The following RABGAP1L variants were observed in gnomAD, a reference collection of about 807,000 sequenced individuals.
RABGAP1L encodes RAB GTPase activating protein 1 like, also known as rab GTPase-activating protein 1-like.
RABGAP1L carries 63 observed loss-of-function variants against 137.7 expected under a neutral mutation model. The ratio of observed to expected loss-of-function variants is 0.46; its 90% CI spans 0.37 to 0.56. The LOEUF (loss-of-function observed/expected upper bound fraction) is 0.56, where lower values mean the gene tolerates loss of function less well. Among genes scored for constraint, RABGAP1L ranks in the 20% least tolerant of loss-of-function variants. RABGAP1L has a pLI of 0.00. For synonymous variants in RABGAP1L, 431 were observed against 433.7 expected (o/e 0.99, Z 0.08); for missense variants, 1,095 against 1,244.0 (o/e 0.88, Z 1.80).
At chr1:174,497,419 A>G (rs963427028) in intron 13 of RABGAP1L, among the ~76,000 whole-genome samples, 1 of 152,210 alleles carries the variant, frequency 6.6e-6, no homozygotes, top group Non-Finnish European at 1.5e-5. Context: ...ATTCTCTTAA[A>G]TAAGGAAGCT....
chr1:174,663,694 A>G (rs1272197940), intron 14 of RABGAP1L, among the ~76,000 whole-genome samples: 2 of 152,206 alleles, frequency 1.3e-5, no homozygotes, highest in African/African-American at 4.8e-5. Flanking sequence ...CACAAAATCA[A>G]TATTCTCAAT....
chr1:174,277,864 T>C lies in RABGAP1L; in HGVS notation c.1157-749T>C, dbSNP rs1313773952. On this transcript the variant is annotated intron_variant, in intron 9 of 25. Coordinates refer to ENST00000681986, the MANE Select transcript of RABGAP1L (RefSeq NM_001366446.1). ...TTTCTCTTGAATTGGCAGGTGTATT[T>C]AGTAAGACTGTATTTAGTAAGAATG... Among the ~76,000 whole-genome samples, 3 of 152,290 alleles carry C rather than the reference T, an allele frequency of 2.0e-5. No homozygotes were observed. The East Asian group carries it at 5.8e-4, about 29-fold the overall frequency.
intron 13 of RABGAP1L, among the ~76,000 whole-genome samples, chr1:174,623,335 A>T (rs1377600652): frequency 6.6e-6 from 1 of 152,202 alleles, no homozygotes. Flanking sequence ...GTTAGGGAGA[A>T]CACAATCCAC....
At chr1:174,492,683 T>C (rs1446988766) in intron 13 of RABGAP1L, among the ~76,000 whole-genome samples, 1 of 152,038 alleles carries the variant, frequency 6.6e-6, no homozygotes, top group Non-Finnish European at 1.5e-5. Flanking sequence ...TGTATTCTTA[T>C]CTCCACCCAC....
At chr1:174,469,510 C>G (rs543585995) in intron 13 of RABGAP1L, among the ~76,000 whole-genome samples, 1 of 152,258 alleles carries the variant, frequency 6.6e-6, no homozygotes, top group Non-Finnish European at 1.5e-5. Context: ...CAATGTGAGT[C>G]TCTGAATTTG....
At chr1:174,499,672 G>T (rs1661076158) in intron 13 of RABGAP1L, among the ~76,000 whole-genome samples, 1 of 152,164 alleles carries the variant, frequency 6.6e-6, no homozygotes. Context: ...ACGAATTATT[G>T]TGAAGATGAA....
intron 11 of RABGAP1L, among the ~76,000 whole-genome samples, chr1:174,327,986 C>CAT (rs3057021): frequency 0.01 from 559 of 53,544 alleles, 1 homozygote; most frequent in Non-Finnish European, 0.013. Flanking sequence ...TATACACACA[C>CAT]ATATATATAT....
chr1:174,324,804 G>A (rs1338313810), intron 11 of RABGAP1L, among the ~76,000 whole-genome samples: 3 of 152,048 alleles, frequency 2.0e-5, no homozygotes, highest in African/African-American at 4.8e-5. Flanking sequence ...AGTGATATTC[G>A]GTGTTGTCAA....
intron 19 of RABGAP1L, among the ~76,000 whole-genome samples, chr1:174,826,903 G>A (rs1405441144): frequency 6.6e-6 from 1 of 152,132 alleles, no homozygotes; most frequent in Admixed American, 6.5e-5. Flanking sequence ...GTGATGATGA[G>A]CATTTCTTCA....
At chr1:174,350,374 C>CG (rs1683027252) in intron 11 of RABGAP1L, among the ~76,000 whole-genome samples, 1 of 62,658 alleles carries the variant, frequency 1.6e-5, no homozygotes, top group Non-Finnish European at 3.2e-5. Flanking sequence ...ACTTCTCAGA[C>CG]GGGGCGGCCG....
At chr1:174,242,727 C>T (rs985331784) in intron 5 of RABGAP1L, among the ~76,000 whole-genome samples, 7 of 152,158 alleles carry the variant, frequency 4.6e-5, no homozygotes, top group African/African-American at 1.4e-4. Context: ...GAACCCATGC[C>T]TTCTGAAAGA....
chr1:174,316,521 A>G (rs1368191601), intron 11 of RABGAP1L, among the ~76,000 whole-genome samples: 1 of 152,152 alleles, frequency 6.6e-6, no homozygotes, highest in Admixed American at 6.5e-5. Flanking sequence ...CTTGGATAAG[A>G]TCTGGGAGAA....
chr1:174,771,833 AAAATT>A (rs1481349206), intron 18 of RABGAP1L, among the ~76,000 whole-genome samples: 1 of 152,268 alleles, frequency 6.6e-6, no homozygotes, highest in Non-Finnish European at 1.5e-5. Flanking sequence ...TTTAATAAAT[AAAATT>A]AATAGTAAGA....
intron 13 of RABGAP1L, among the ~76,000 whole-genome samples, chr1:174,457,974 T>C (rs528074432): frequency 4.6e-5 from 7 of 152,214 alleles, no homozygotes; most frequent in African/African-American, 7.2e-5. Flanking sequence ...AATCACTCAT[T>C]CTTTCATTTA....
Position 174,663,972 on chromosome 1 carries a change from G to A in RABGAP1L, c.1825-19550G>A, listed in dbSNP as rs779308185. Among the ~76,000 whole-genome samples, 9 of 152,098 alleles carry A rather than the reference G, an allele frequency of 5.9e-5. 1 individual carries two copies. Among genetic ancestry groups the A allele is most frequent in the Non-Finnish European group, 8.8e-5 (6 of 68,020 alleles). On this transcript the variant is annotated intron_variant, in intron 14 of 25. Transcript: ENST00000681986. ...TTTCTAGGGACTCAGAGGCTGTGAT[G>A]TGCCTTGCAAAAAAAATACACATTA...
At chr1:174,514,247 C>CAA (rs776487855) in intron 13 of RABGAP1L, among the ~76,000 whole-genome samples, 3,215 of 80,094 alleles carry the variant, frequency 0.04, 74 homozygotes, top group African/African-American at 0.09. Flanking sequence ...TATTTTAAGC[C>CAA]AAAAAAAAAA....
chr1:174,502,602 A>G (rs1040636828), intron 13 of RABGAP1L, among the ~76,000 whole-genome samples: 8 of 134,864 alleles, frequency 5.9e-5, no homozygotes, highest in Admixed American at 1.5e-4. Context: ...ATATATGTAC[A>G]TATATGTGTG....
chr1:174,574,924 A>C (rs1452395889), intron 13 of RABGAP1L, among the ~76,000 whole-genome samples: 1 of 152,032 alleles, frequency 6.6e-6, no homozygotes, highest in African/African-American at 2.4e-5. Flanking sequence ...TTTCTTTGAA[A>C]AGTTTGTTTG....
At chr1:174,493,850 A>G (rs972870117) in intron 13 of RABGAP1L, among the ~76,000 whole-genome samples, 22 of 150,920 alleles carry the variant, frequency 1.5e-4, no homozygotes, top group African/African-American at 5.3e-4. Context: ...AAGTATAGGC[A>G]GAATGTAACC....
Sources: allele counts gnomAD v4.1 joint callset (sites outside exome capture counted in the v4.1 genomes callset), GRCh38; gene constraint gnomAD v4.1.1; transcripts MANE v1.5; gene names NCBI Gene and HGNC (gene_info 2026-07-23, HGNC 2026-07-21).